Variants in KCNAB1 observed in about 807,000 individuals in gnomAD.
KCNAB1 encodes the protein voltage-gated potassium channel subunit beta-1.
A neutral mutation model predicts 64.6 loss-of-function variants in KCNAB1; 35 were observed. The ratio of observed to expected loss-of-function variants is 0.54; its 90% CI spans 0.41 to 0.72. KCNAB1 has a LOEUF of 0.72. Among genes scored for constraint, KCNAB1 ranks in the 30% least tolerant of loss-of-function variants. The probability of loss-of-function intolerance (pLI) is 0.00; values close to 1 mark genes in which losing one functional copy is unlikely to be tolerated. For missense variants in KCNAB1, 401 were observed against 512.9 expected (o/e 0.78, Z 2.11); for synonymous variants, 177 against 183.8 (o/e 0.96, Z 0.30).
intron 1 of KCNAB1, among the ~76,000 whole-genome samples, chr3:156,382,881 TG>T (rs1282080491): frequency 6.6e-6 from 1 of 152,142 alleles, no homozygotes; most frequent in Non-Finnish European, 1.5e-5. Context: ...GTCGCTGAGG[TG>T]TGGAGCTTGT....
intron 1 of KCNAB1, among the ~76,000 whole-genome samples, chr3:156,225,476 G>A (rs1313710684): frequency 6.6e-6 from 1 of 152,140 alleles, no homozygotes; most frequent in Non-Finnish European, 1.5e-5. Flanking sequence ...ACTGAACAGG[G>A]AAAATTTTAA....
At chr3:156,284,257 G>T (rs1321223930) in intron 1 of KCNAB1, among the ~76,000 whole-genome samples, 1 of 152,112 alleles carries the variant, frequency 6.6e-6, no homozygotes, top group Non-Finnish European at 1.5e-5. Context: ...CTGCTGGGGG[G>T]TGCCTTCCAG....
At chr3:156,505,368 T>C (rs1716763844) in intron 8 of KCNAB1, among the ~76,000 whole-genome samples, 1 of 152,230 alleles carries the variant, frequency 6.6e-6, no homozygotes, top group South Asian at 2.1e-4. Flanking sequence ...TGCTCAAGAT[T>C]GCTTTGGCTA....
intron 8 of KCNAB1, among the ~76,000 whole-genome samples, chr3:156,505,617 T>G (rs1716785284): frequency 6.6e-6 from 1 of 152,200 alleles, no homozygotes; most frequent in African/African-American, 2.4e-5. Context: ...ATTTTTTACC[T>G]TCTTAAATTT....
intron 1 of KCNAB1, among the ~76,000 whole-genome samples, chr3:156,239,813 A>G (rs892250944): frequency 2.0e-5 from 3 of 152,202 alleles, no homozygotes; most frequent in Non-Finnish European, 4.4e-5. Context: ...CATCTTCTTC[A>G]TCTTTCATGT....
chr3:156,322,882 A>C (rs1403164369), intron 1 of KCNAB1, among the ~76,000 whole-genome samples: 1 of 152,058 alleles, frequency 6.6e-6, no homozygotes, highest in African/African-American at 2.4e-5. Flanking sequence ...AGCCCATGTC[A>C]GTTTTTAAGT....
At chr3:156,154,279 C>T (rs1432248714) in intron 1 of KCNAB1, among the ~76,000 whole-genome samples, 2 of 152,148 alleles carry the variant, frequency 1.3e-5, no homozygotes, top group African/African-American at 2.4e-5. Context: ...TGGGCCTCTC[C>T]TTCTCCACTC....
chr3:156,250,029 A>G (rs1172585453), intron 1 of KCNAB1, among the ~76,000 whole-genome samples: 1 of 152,190 alleles, frequency 6.6e-6, no homozygotes, highest in Non-Finnish European at 1.5e-5. Context: ...GAGACTTCCT[A>G]TTATATATGA....
At chr3:156,236,191 G>A (rs1339485689) in intron 1 of KCNAB1, among the ~76,000 whole-genome samples, 1 of 152,138 alleles carries the variant, frequency 6.6e-6, no homozygotes, top group East Asian at 1.9e-4. Context: ...CAGCTCATTT[G>A]AAAAAGATTC....
At position 156,370,101 on chromosome 3, in the gene KCNAB1, A is replaced by G. The variant is rs532612132; in HGVS notation, c.276-51515A>G. On this transcript the variant is annotated intron_variant, in intron 1 of 13. Coordinates refer to ENST00000490337, the MANE Select transcript of KCNAB1 (RefSeq NM_172160.3). ...GCCTTCTGCTGCAATTTCCCAGTAT[A>G]GGTCTAAAATTCTCCCTCTTGTGTT... Among the ~76,000 whole-genome samples, 235 of 152,302 alleles carry G rather than the reference A, an allele frequency of 1.5e-3. 2 individuals carry two copies. The highest frequency in any genetic ancestry group is 3.4e-3 in the Middle Eastern group (1 of 294).
At chr3:156,265,123 A>G (rs998401339) in intron 1 of KCNAB1, among the ~76,000 whole-genome samples, 1 of 152,190 alleles carries the variant, frequency 6.6e-6, no homozygotes, top group Non-Finnish European at 1.5e-5. Flanking sequence ...GGACCACCTA[A>G]TACTATGACT....
rs76465427 is a variant in KCNAB1, at chr3:156,485,940, A to C, written c.658+11120A>C. ...TGATTTCATTCTTTTTTCTGTCTGC[A>C]TACTATTCCATAGTATTTTCCACAC... On this transcript the variant is annotated intron_variant, in intron 8 of 13. Coordinates refer to ENST00000490337, the MANE Select transcript of KCNAB1 (RefSeq NM_172160.3). Among the ~76,000 whole-genome samples the C allele has an allele frequency of 5.3e-5, 8 of 152,232 alleles. No homozygotes were observed. In the East Asian group the frequency reaches 1.6e-3, roughly 30 times the overall value.
intron 2 of KCNAB1, among the ~76,000 whole-genome samples, chr3:156,448,629 G>A (rs997734480): frequency 6.6e-6 from 1 of 152,120 alleles, no homozygotes; most frequent in African/African-American, 2.4e-5. Context: ...CCACAAAGGG[G>A]CATAGCTGGG....
chr3:156,376,987 AG>A (rs1227313650), intron 1 of KCNAB1, among the ~76,000 whole-genome samples: 1 of 152,200 alleles, frequency 6.6e-6, no homozygotes, highest in Non-Finnish European at 1.5e-5. Flanking sequence ...GCAAAAAAAA[AG>A]TAAAATAAAA....
intron 8 of KCNAB1, among the ~76,000 whole-genome samples, chr3:156,501,309 G>A (rs1716385206): frequency 6.6e-6 from 1 of 151,890 alleles, no homozygotes; most frequent in East Asian, 1.9e-4. Context: ...TTTAAAAGAT[G>A]TGCAAGGAGT....
chr3:156,125,711 A>G (rs1397158405), intron 1 of KCNAB1, among the ~76,000 whole-genome samples: 2 of 152,178 alleles, frequency 1.3e-5, no homozygotes, highest in African/African-American at 4.8e-5. Context: ...GACTTCCAAG[A>G]AAGTGTTTAC....
chr3:156,384,879 C>T (rs1218049134), intron 1 of KCNAB1, among the ~76,000 whole-genome samples: 1 of 151,910 alleles, frequency 6.6e-6, no homozygotes, highest in Non-Finnish European at 1.5e-5. Context: ...GGTAGGGGCA[C>T]CTGGAAGGTG....
rs7623436 is a variant in KCNAB1, at chr3:156,249,123, T to A, written c.275+128237T>A. Among the ~76,000 whole-genome samples the A allele has an allele frequency of 2.6e-5, 4 of 152,230 alleles. No homozygotes were observed. The South Asian group carries it at 6.2e-4, about 24-fold the overall frequency. Reference sequence around the variant, plus strand: ...GTCAGAATAAGAGAATATAATATAATGTTAGGCAATGAAAAGTGCTATGGA... The same window carrying A: ...GTCAGAATAAGAGAATATAATATAAAGTTAGGCAATGAAAAGTGCTATGGA... On this transcript the variant is annotated intron_variant, in intron 1 of 13. Transcript: ENST00000490337.
chr3:156,226,364 GA>G (rs1379964818), intron 1 of KCNAB1, among the ~76,000 whole-genome samples: 2 of 152,006 alleles, frequency 1.3e-5, no homozygotes, highest in Non-Finnish European at 2.9e-5. Context: ...GCTACATGTA[GA>G]AGAATGAAAC....
Sources: allele counts gnomAD v4.1 joint callset (sites outside exome capture counted in the v4.1 genomes callset), GRCh38; gene constraint gnomAD v4.1.1; transcripts MANE v1.5; gene names NCBI Gene and HGNC (gene_info 2026-07-23, HGNC 2026-07-21).